The following ATM variants were observed in gnomAD, a reference collection of about 807,000 sequenced individuals.
ATM encodes ATM serine/threonine kinase.
In ATM, 308 loss-of-function variants were observed where a neutral mutation model predicts 387.0. That is an observed-to-expected ratio of 0.80 (90% CI 0.73 to 0.87). The LOEUF is 0.87. ATM is among the 40% of genes least tolerant of loss of function. The pLI is 0.00. For synonymous variants in ATM, 1,156 were observed against 1,187.3 expected (o/e 0.97, Z 0.54); for missense variants, 3,312 against 3,560.9 (o/e 0.93, Z 1.78).
intron 56 of ATM, among the ~76,000 whole-genome samples, chr11:108,339,799 CAG>C (rs1361277779): frequency 6.6e-6 from 1 of 152,054 alleles, no homozygotes; most frequent in Non-Finnish European, 1.5e-5. Flanking sequence ...AGACTTTAGA[CAG>C]AGTACACTAC....
At chr11:108,237,267 A>G (rs1565359557) in intron 5 of ATM, among the ~76,000 whole-genome samples, 2 of 152,302 alleles carry the variant, frequency 1.3e-5, no homozygotes, top group African/African-American at 2.4e-5. Flanking sequence ...GCCTTTGGGA[A>G]TAGGCTGGTG....
intron 17 of ATM, among the ~76,000 whole-genome samples, 189 bp downstream of exon 17, chr11:108,267,531 T>G (rs1294786889): frequency 6.6e-6 from 1 of 152,110 alleles, no homozygotes; most frequent in African/African-American, 2.4e-5. Context: ...TCATATTTTA[T>G]TCTTCATAGA....
Position 108,366,584 on chromosome 11 carries a change from T to C in ATM, c.*1076T>C. On this transcript the variant is annotated 3_prime_UTR_variant, in exon 63 of 63. Coordinates refer to ENST00000675843, the MANE Select transcript of ATM (RefSeq NM_000051.4). The stretch of plus-strand genomic sequence containing the variant: ...CAGCAAGGCTTTATCTATGGGAATC[T>C]TGAGTGTCTGTTTATGTCATATTCC... The C allele has an allele frequency of 4.3e-6, 1 of 230,350 alleles. No homozygotes were observed. The highest frequency in any genetic ancestry group is 8.6e-6 in the Non-Finnish European group (1 of 116,220). 14.3% of individuals were successfully genotyped at this position (230,350 alleles called of 1,614,324 possible).
chr11:108,356,531 T>C (rs1343959277), intron 61 of ATM, among the ~76,000 whole-genome samples: 1 of 144,920 alleles, frequency 6.9e-6, no homozygotes. Flanking sequence ...AGCAAGACTC[T>C]GTCTGTCTTA....
At chr11:108,226,419 C>G (rs1657020796) in intron 1 of ATM, 2 of 152,150 alleles carry the variant, frequency 1.3e-5, no homozygotes, top group African/African-American at 4.8e-5. Context: ...TATCAGAAGC[C>G]CCCAAAAGAA....
rs1057520521 is a variant in ATM at position 108,250,980 on chromosome 11, T to C, written c.1515T>C (p.Phe505=). Residue 505 remains phenylalanine, a synonymous_variant, in exon 10 of 63, where the codon TTT becomes TTC. Coordinates refer to ENST00000675843, the MANE Select transcript of ATM (RefSeq NM_000051.4). ...ISSEQIQAEN[F]GLLGAIIQGS... Reference sequence around the variant, plus strand: ...CTGAGCAAATACAAGCTGAAAACTTTGGCTTACTTGGAGCCATAATTCAGG... The same window carrying C: ...CTGAGCAAATACAAGCTGAAAACTTCGGCTTACTTGGAGCCATAATTCAGG... 1 of 1,614,038 alleles carries C rather than the reference T, an allele frequency of 6.2e-7. No individual in the cohort carries two copies. Among genetic ancestry groups the C allele is most frequent in the African/African-American group, 1.3e-5 (1 of 74,930 alleles).
intron 26 of ATM, among the ~76,000 whole-genome samples, chr11:108,285,960 C>T (rs903824383): frequency 2.0e-5 from 3 of 152,256 alleles, no homozygotes; most frequent in East Asian, 1.9e-4. Flanking sequence ...CGTTCAACTT[C>T]GATTGAAACT....
chr11:108,306,777 G>C (rs918461221), intron 37 of ATM, among the ~76,000 whole-genome samples: 22 of 152,164 alleles, frequency 1.4e-4, no homozygotes, highest in Non-Finnish European at 2.2e-4. Flanking sequence ...CTCAAACTCA[G>C]CTGTCCAAAA....
At position 108,345,923 on chromosome 11, in the gene ATM, C is replaced by G. The variant is rs2137040413; in HGVS notation, c.8584+15C>G. 1.9e-6 allele frequency: 3 copies of G among 1,612,972 alleles called. No individual in the cohort carries two copies. The highest frequency in any genetic ancestry group is 2.5e-6 in the Non-Finnish European group (3 of 1,179,226). On this transcript the variant is annotated intron_variant, in intron 58 of 62. Transcript: ENST00000675843. The stretch of plus-strand genomic sequence containing the variant: ...TTCTTCTATTGGTAATCTTCTTGTA[C>G]ATATAGTAGATTGAGCACTTTGTTG...
chr11:108,343,872 A>G (rs115388475), intron 57 of ATM, among the ~76,000 whole-genome samples: 1,672 of 152,344 alleles, frequency 0.011, 29 homozygotes, highest in African/African-American at 0.038. Context: ...GACATTTACA[A>G]TGTCACATTG....
intron 17 of ATM, 121 bp downstream of exon 17, chr11:108,267,463 G>A (rs995598559): frequency 1.2e-6 from 1 of 820,982 alleles, no homozygotes; most frequent in African/African-American, 1.8e-5. Context: ...AGCCTTTTAG[G>A]ATTGTTCCTT....
At chr11:108,354,676 A>G in intron 60 of ATM, 135 bp from the exon 61 acceptor site, 5 of 818,452 alleles carry the variant, frequency 6.1e-6, no homozygotes, top group South Asian at 1.4e-5. Flanking sequence ...GCCAAGTATT[A>G]TGCTATTTTG....
At chr11:108,342,093 G>C (rs1305745370) in intron 56 of ATM, among the ~76,000 whole-genome samples, 2 of 151,156 alleles carry the variant, frequency 1.3e-5, no homozygotes, top group East Asian at 3.9e-4. Flanking sequence ...TTTTTTTGCA[G>C]TTTTTTTTTC....
chr11:108,240,646 G>A (rs1354206297), intron 5 of ATM, among the ~76,000 whole-genome samples: 3 of 152,050 alleles, frequency 2.0e-5, no homozygotes, highest in African/African-American at 7.2e-5. Context: ...ACATAGAGGA[G>A]GTACAGTAAA....
At chr11:108,341,671 G>A (rs1041660458) in intron 56 of ATM, among the ~76,000 whole-genome samples, 2 of 152,056 alleles carry the variant, frequency 1.3e-5, no homozygotes, top group Non-Finnish European at 2.9e-5. Context: ...ATATAATAAT[G>A]TTAATTAGAA....
chr11:108,290,638 CAA>C (rs10603787), intron 29 of ATM: 37,826 of 67,930 alleles, frequency 0.56, 7,507 homozygotes, highest in Middle Eastern at 0.79. Flanking sequence ...ACTCTTGTCT[CAA>C]AAAAAAAAAA....
intron 61 of ATM, chr11:108,355,880 T>C (rs936730402): frequency 1.3e-5 from 2 of 152,128 alleles, no homozygotes; most frequent in Admixed American, 1.3e-4. Flanking sequence ...ATCAGGGTGG[T>C]CCTGTGTGCA....
rs2081668405 is a variant in ATM, at chr11:108,272,819, A to G, written c.3251A>G (p.Gln1084Arg). ...CAATTTCTTGCTGACAATCATCACC[A>G]AGTTCGCATGTTGGCTGCAGAGTCA... ...FTQFLADNHHQVRMLAAESIN... is the reference protein window; with the variant it reads ...FTQFLADNHHRVRMLAAESIN... Residue 1084 changes from glutamine (Q) to arginine (R), a missense_variant, in exon 22 of 63, where the codon CAA becomes CGA. Gln to Arg is a conservative substitution (Grantham distance 43, BLOSUM62 1). Transcript: ENST00000675843. 1.2e-6 allele frequency: 2 copies of G among 1,613,966 alleles called. No individual in the cohort carries two copies. The highest frequency in any genetic ancestry group is 1.1e-5 in the South Asian group (1 of 91,088).
At chr11:108,265,943 C>T (rs1565413128) in intron 16 of ATM, among the ~76,000 whole-genome samples, 1 of 149,878 alleles carries the variant, frequency 6.7e-6, no homozygotes, top group Non-Finnish European at 1.5e-5. Context: ...GATACCATCT[C>T]ACACCAGTTA....
Sources: allele counts gnomAD v4.1 joint callset (sites outside exome capture counted in the v4.1 genomes callset), GRCh38; gene constraint gnomAD v4.1.1; transcripts MANE v1.5; gene names NCBI Gene and HGNC (gene_info 2026-07-23, HGNC 2026-07-21).